Variants in TLE2 observed in about 807,000 individuals in gnomAD.
The protein encoded by TLE2 is TLE family member 2, transcriptional corepressor.
In TLE2, 74 loss-of-function variants were observed where a neutral mutation model predicts 97.2. The observed-to-expected ratio is 0.76, with a 90% CI of 0.63 to 0.92. The LOEUF (loss-of-function observed/expected upper bound fraction) is 0.92, where lower values mean the gene tolerates loss of function less well. Among genes scored for constraint, TLE2 ranks in the 40% least tolerant of loss-of-function variants. TLE2 has a pLI of 0.00. For missense variants in TLE2, 1,038 were observed against 1,008.7 expected (o/e 1.03, Z -0.39); for synonymous variants, 499 against 432.1 (o/e 1.15, Z -1.92).
chr19:3,011,174 G>T lies in TLE2; in HGVS notation c.874-14C>A, dbSNP rs369999752. On this transcript the variant is annotated splice_polypyrimidine_tract_variant and intron_variant, in intron 11 of 19. Transcript: ENST00000262953. Reference sequence around the variant, plus strand: ...GGGAAGGTCATTCTGCAGAGAAAGGGCAGGACTGAAGGCCACCAGGCACCT... The same window carrying T: ...GGGAAGGTCATTCTGCAGAGAAAGGTCAGGACTGAAGGCCACCAGGCACCT... 63 of 1,575,328 alleles carry T rather than the reference G, an allele frequency of 4.0e-5. No individual in the cohort carries two copies. The African/African-American group carries it at 6.9e-4, about 17-fold the overall frequency.
exon 1 of TLE2, chr19:3,045,784 A>G (rs1245770592): frequency 1.1e-5 from 5 of 436,120 alleles, no homozygotes; most frequent in Non-Finnish European, 2.3e-5. Context: ...CCGTGATTGC[A>G]CCATTGCACT....
chr19:3,029,398 C>G (rs2090001888), upstream of TLE2, among the ~76,000 whole-genome samples: 2 of 147,798 alleles, frequency 1.4e-5, no homozygotes, highest in Non-Finnish European at 3.0e-5. Flanking sequence ...CCCCGGCCCC[C>G]GGGCACCCGC....
chr19:3,013,611 T>C, intron 11 of TLE2, 58 bp downstream of exon 11: 1 of 1,319,928 alleles, frequency 7.6e-7, no homozygotes, highest in Non-Finnish European at 9.7e-7. Context: ...GGGTAGCGTC[T>C]GCTTCGGGGC....
rs367644495 is a variant in TLE2 at position 3,006,710 on chromosome 19, C to T, written c.1251-41G>A. 1.2e-5 allele frequency: 19 copies of T among 1,543,984 alleles called. No individual in the cohort carries two copies. In the African/African-American group the frequency reaches 2.0e-4, roughly 17 times the overall value. ...GGGCATGACCCAGCCCTGGGCACCACGCCCCCGCACCCGCACCTGGGAGGG... is the reference window on the plus strand; with the variant it reads ...GGGCATGACCCAGCCCTGGGCACCATGCCCCCGCACCCGCACCTGGGAGGG... On this transcript the variant is annotated intron_variant, in intron 14 of 19. Coordinates refer to ENST00000262953, the MANE Select transcript of TLE2 (RefSeq NM_003260.5).
intron 8 of TLE2, among the ~76,000 whole-genome samples, chr19:3,016,354 T>A (rs796982621): frequency 1.2e-4 from 17 of 139,884 alleles, no homozygotes; most frequent in African/African-American, 4.5e-4. Flanking sequence ...GGCGGGCGGA[T>A]CACAAGGTCA....
intron 1 of TLE2, among the ~76,000 whole-genome samples, chr19:3,038,632 G>C (rs1021511709): frequency 2.0e-5 from 3 of 152,244 alleles, no homozygotes; most frequent in African/African-American, 7.2e-5. Context: ...TCAGGGCTGG[G>C]CGTGGTGGCT....
At chr19:3,004,614 C>CA (rs61444494) in intron 17 of TLE2, among the ~76,000 whole-genome samples, 9,198 of 88,714 alleles carry the variant, frequency 0.1, 408 homozygotes, top group Non-Finnish European at 0.12. Context: ...AACTCTGTCT[C>CA]AAAAAAAAAA....
upstream of TLE2, chr19:3,045,823 G>C: frequency 2.6e-6 from 1 of 380,384 alleles, no homozygotes; most frequent in Non-Finnish European, 5.5e-6. Flanking sequence ...GTGAAACTCT[G>C]TCTCAAAAAA....
Position 3,028,254 on chromosome 19 carries a change from G to C in TLE2, c.186+65C>G, listed in dbSNP as rs146678500. ...CGGAGTGGGGCAGGGACCTACCCCA[G>C]AGTCCACCGTGACTCAAAGCCCTGC... On this transcript the variant is annotated intron_variant, in intron 3 of 19. Transcript: ENST00000262953. 10 of 1,508,916 alleles carry C rather than the reference G, an allele frequency of 6.6e-6. No homozygotes were observed. The African/African-American group carries it at 8.3e-5, about 13-fold the overall frequency. The allele number at this position is 1,508,916 out of a possible 1,614,324, so 93.5% of individuals were successfully genotyped here.
intron 19 of TLE2, among the ~76,000 whole-genome samples, chr19:2,999,314 C>T (rs995448761): frequency 1.4e-4 from 21 of 151,598 alleles, no homozygotes; most frequent in African/African-American, 3.6e-4. Context: ...CCAACCAGGA[C>T]GGGCATATTA....
intron 17 of TLE2, among the ~76,000 whole-genome samples, chr19:3,003,215 C>CAGGGAGGAGGG (rs1383553452): frequency 1.3e-5 from 2 of 152,148 alleles, no homozygotes; most frequent in African/African-American, 4.8e-5. Context: ...CACAACAGCA[C>CAGGGAGGAGGG]AGGGAGGAGG....
intron 11 of TLE2, among the ~76,000 whole-genome samples, chr19:3,012,278 C>A (rs945695026): frequency 6.7e-6 from 1 of 148,896 alleles, no homozygotes. Context: ...ACAAAAGGCA[C>A]GATCATAGCT....
chr19:3,027,390 G>A (rs1245171788), intron 4 of TLE2, among the ~76,000 whole-genome samples: 1 of 152,238 alleles, frequency 6.6e-6, no homozygotes, highest in Non-Finnish European at 1.5e-5. Flanking sequence ...AATCTCAGAA[G>A]CTTCAAAGCA....
At chr19:3,009,121 C>T (rs1235750715) in intron 13 of TLE2, among the ~76,000 whole-genome samples, 176 bp from the exon 14 acceptor site, 1 of 152,152 alleles carries the variant, frequency 6.6e-6, no homozygotes, top group Non-Finnish European at 1.5e-5. Flanking sequence ...CACTTGAGCA[C>T]ACCGACACCA....
At chr19:3,016,809 C>T (rs949829947) in intron 8 of TLE2, among the ~76,000 whole-genome samples, 5 of 151,786 alleles carry the variant, frequency 3.3e-5, no homozygotes, top group South Asian at 2.1e-4. Flanking sequence ...GATGGAGTCT[C>T]GCTCTGTCGC....
intron 15 of TLE2, chr19:3,006,217 C>A: frequency 9.9e-7 from 1 of 1,013,176 alleles, no homozygotes. Flanking sequence ...GATTGTCTTG[C>A]AAGTCCAATT....
Position 3,019,605 on chromosome 19 carries a change from A to G in TLE2, c.369+94T>C. 1.3e-6 allele frequency: 2 copies of G among 1,532,646 alleles called. No individual in the cohort carries two copies. The highest frequency in any genetic ancestry group is 1.2e-5 in the South Asian group (1 of 81,648). 94.9% of individuals were successfully genotyped at this position (1,532,646 alleles called of 1,614,324 possible). ...CCCAGGACCACTGGAGCCAAGGCCC[A>G]CACACCACCCCAGCTTTAACACCTC... On this transcript the variant is annotated intron_variant, in intron 6 of 19. Transcript: ENST00000262953. The surrounding 1 kb of genome is among the most constrained non-coding windows in gnomAD (Gnocchi z 5.1).
intron 1 of TLE2, among the ~76,000 whole-genome samples, chr19:3,040,961 G>A (rs2090095584): frequency 7.4e-6 from 1 of 135,842 alleles, no homozygotes; most frequent in African/African-American, 2.7e-5. Context: ...CAACCCCAGA[G>A]TGGCCCTTGA....
At position 3,015,764 on chromosome 19, in the gene TLE2, C is replaced by T. The variant is rs758016074; in HGVS notation, c.571-4G>A. The T allele has an allele frequency of 1.5e-5, 24 of 1,600,764 alleles. No individual in the cohort carries two copies. Among genetic ancestry groups the T allele is most frequent in the South Asian group, 5.6e-5 (5 of 89,108 alleles). Reference sequence around the variant, plus strand: ...CAGGGGGCGAGGGAGATGCACTCTGCGGAGAGACAAAGGCCGGGGGGAGAA... The same window carrying T: ...CAGGGGGCGAGGGAGATGCACTCTGTGGAGAGACAAAGGCCGGGGGGAGAA... On this transcript the variant is annotated splice_region_variant and splice_polypyrimidine_tract_variant and intron_variant, in intron 8 of 19. Transcript: ENST00000262953.
Sources: gnomAD v4.1 joint callset for allele counts (sites outside exome capture counted in the v4.1 genomes callset) on GRCh38, gnomAD v4.1.1 for gene constraint, Gnocchi (gnomAD v3.1) non-coding constraint, MANE v1.5 for transcripts, NCBI Gene and HGNC (gene_info 2026-07-23, HGNC 2026-07-21) for gene names.